Variants in DPP6 observed in about 807,000 individuals in gnomAD.
DPP6 encodes dipeptidyl peptidase like 6, also known as A-type potassium channel modulatory protein DPP6.
A neutral mutation model predicts 122.6 loss-of-function variants in DPP6; 69 were observed. That is an observed-to-expected ratio of 0.56 (90% CI 0.46 to 0.69). The LOEUF is 0.69. Ranked by LOEUF, DPP6 falls within the 30% of genes least tolerant of loss-of-function variation. The pLI, the probability that DPP6 is intolerant of heterozygous loss-of-function variation, is 0.00. For missense variants in DPP6, 928 were observed against 1,116.9 expected, an observed-to-expected ratio of 0.83 and a Z score of 2.41; for synonymous variants, 418 against 433.1, an observed-to-expected ratio of 0.97 and a Z score of 0.43.
intron 1 of DPP6, among the ~76,000 whole-genome samples, chr7:153,890,451 G>A (rs1273272152): frequency 1.3e-5 from 2 of 152,302 alleles, no homozygotes; most frequent in African/African-American, 2.4e-5. Context: ...AGTTCTACAA[G>A]AATGGTGACA....
chr7:154,062,835 G>A (rs1249628731), intron 1 of DPP6, among the ~76,000 whole-genome samples: 4 of 127,066 alleles, frequency 3.1e-5, no homozygotes, highest in African/African-American at 8.7e-5. Flanking sequence ...CCCGCGAGGC[G>A]GGGACTGCGA....
At chr7:154,280,710 G>C (rs948304102) in intron 1 of DPP6, among the ~76,000 whole-genome samples, 1 of 152,100 alleles carries the variant, frequency 6.6e-6, no homozygotes, top group African/African-American at 2.4e-5. Context: ...GAAAATCACC[G>C]TGTTGACATA....
At chr7:154,083,612 A>G (rs1008685550) in intron 1 of DPP6, among the ~76,000 whole-genome samples, 1 of 150,388 alleles carries the variant, frequency 6.6e-6, no homozygotes, top group Non-Finnish European at 1.5e-5. Flanking sequence ...ATAGATGGGT[A>G]TGGGGACAGC....
intron 1 of DPP6, among the ~76,000 whole-genome samples, chr7:153,924,328 C>T (rs113708022): frequency 0.2 from 30,094 of 151,862 alleles, 3,131 homozygotes; most frequent in Middle Eastern, 0.3. Flanking sequence ...AGGATGGTCT[C>T]GATCTCCTGA....
At chr7:153,837,861 T>TTTTTTTTTTTTC in the DPP6 span, among the ~76,000 whole-genome samples, 1 of 147,130 alleles carries the variant, frequency 6.8e-6, no homozygotes, top group Non-Finnish European at 1.5e-5. Flanking sequence ...TTTTTTTTTT[T>TTTTTTTTTTTTC]TAGTAGAGAT....
intron 1 of DPP6, among the ~76,000 whole-genome samples, chr7:154,366,077 G>C (rs923568421): frequency 6.6e-6 from 1 of 152,100 alleles, no homozygotes; most frequent in Non-Finnish European, 1.5e-5. Flanking sequence ...GCAGCACCTG[G>C]GGTGCTATCT....
At chr7:154,743,222 G>A (rs772539574) in intron 8 of DPP6, among the ~76,000 whole-genome samples, 14 of 152,102 alleles carry the variant, frequency 9.2e-5, no homozygotes, top group South Asian at 2.1e-4. Context: ...TTTAGATAGA[G>A]TACTTCCTTT....
At chr7:154,152,010 C>T (rs1220614199) in intron 1 of DPP6, among the ~76,000 whole-genome samples, 4 of 151,126 alleles carry the variant, frequency 2.6e-5, no homozygotes, top group East Asian at 1.9e-4. Flanking sequence ...CTTCATCTTT[C>T]GCCTCTCTAT....
At chr7:154,090,219 C>T (rs1242912078) in intron 1 of DPP6, among the ~76,000 whole-genome samples, 2 of 152,000 alleles carry the variant, frequency 1.3e-5, no homozygotes, top group African/African-American at 2.4e-5. Flanking sequence ...CTTCACACTT[C>T]GAGGACCCTC....
chr7:154,648,079 C>T (rs1025477431), intron 6 of DPP6, among the ~76,000 whole-genome samples: 4 of 134,132 alleles, frequency 3.0e-5, no homozygotes, highest in South Asian at 2.6e-4. Flanking sequence ...GGTGAAACCC[C>T]GTCTCTATTA....
chr7:154,208,115 A>G (rs751869342), intron 1 of DPP6, among the ~76,000 whole-genome samples: 4 of 152,134 alleles, frequency 2.6e-5, no homozygotes, highest in Non-Finnish European at 4.4e-5. Flanking sequence ...AAAATAAACA[A>G]CCTCTATAAG....
At chr7:153,753,430 T>A in the DPP6 span, among the ~76,000 whole-genome samples, 5 of 151,976 alleles carry the variant, frequency 3.3e-5, no homozygotes, top group African/African-American at 1.2e-4. Context: ...TATAACAGAT[T>A]CCATGAGCAC....
At chr7:154,415,661 C>T (rs962710074) in intron 1 of DPP6, among the ~76,000 whole-genome samples, 2 of 150,590 alleles carry the variant, frequency 1.3e-5, no homozygotes, top group African/African-American at 4.9e-5. Context: ...AAATTTTGAC[C>T]CAGCAGTTGA....
chr7:153,763,313 G>T, the DPP6 span, among the ~76,000 whole-genome samples: 7 of 147,344 alleles, frequency 4.8e-5, no homozygotes, highest in African/African-American at 1.8e-4. Flanking sequence ...AACTGTTTTT[G>T]TTGAGCAAAC....
chr7:153,886,930 A>C (rs1190802030), upstream of DPP6, among the ~76,000 whole-genome samples: 1 of 152,066 alleles, frequency 6.6e-6, no homozygotes, highest in Non-Finnish European at 1.5e-5. Context: ...CAATCACCGT[A>C]GTGCTTGTTT....
chr7:154,616,136 G>A (rs73487684), intron 5 of DPP6, among the ~76,000 whole-genome samples: 3,836 of 152,164 alleles, frequency 0.025, 156 homozygotes, highest in African/African-American at 0.087. Context: ...CTAATTTGGC[G>A]TTATCAGAGT....
intron 1 of DPP6, among the ~76,000 whole-genome samples, chr7:154,031,021 A>G (rs1799197966): frequency 6.6e-6 from 1 of 151,982 alleles, no homozygotes; most frequent in African/African-American, 2.4e-5. Flanking sequence ...TCAGCCCACC[A>G]AGAGCTCACA....
Position 154,821,351 on chromosome 7 carries a change from TATC to T in DPP6, c.1666+14243_1666+14245del, listed in dbSNP as rs562223290. Among the ~76,000 whole-genome samples the T allele has an allele frequency of 1.8e-3, 271 of 152,268 alleles. No homozygotes were observed. The highest frequency in any genetic ancestry group is 3.0e-3 in the Non-Finnish European group (204 of 68,026). On this transcript the variant is annotated intron_variant, in intron 16 of 25. Transcript: ENST00000377770. The surrounding 1 kb of genome is among the most constrained non-coding windows in gnomAD (Gnocchi z 4.2). ...TATTTTATTTTTATCTGTGCATTCA[TATC>T]ATCCTTATCTGCCTTCAGTCCTTTT... is the stretch of plus-strand genomic sequence containing the variant.
the DPP6 span, among the ~76,000 whole-genome samples, chr7:153,778,588 C>T: frequency 6.7e-6 from 1 of 149,182 alleles, no homozygotes; most frequent in Non-Finnish European, 1.5e-5. Context: ...TCTACAATTC[C>T]GTCAGCACCA....
Sources: allele counts gnomAD v4.1 joint callset (sites outside exome capture counted in the v4.1 genomes callset), GRCh38; gene constraint gnomAD v4.1.1; non-coding constraint Gnocchi (gnomAD v3.1); transcripts MANE v1.5; gene names NCBI Gene and HGNC (gene_info 2026-07-23, HGNC 2026-07-21).